RPH3A: variants seen among roughly 807,000 people sequenced by gnomAD.
RPH3A encodes the protein rabphilin-3A.
A neutral mutation model predicts 102.2 loss-of-function variants in RPH3A; 48 were observed. The observed-to-expected ratio is 0.47, with a 90% CI of 0.37 to 0.60. RPH3A has a LOEUF of 0.60. Ranked by LOEUF, RPH3A falls within the 20% of genes least tolerant of loss-of-function variation. The probability of loss-of-function intolerance (pLI) is 0.00; values close to 1 mark genes in which losing one functional copy is unlikely to be tolerated. For synonymous variants in RPH3A, 310 were observed against 324.3 expected, an observed-to-expected ratio of 0.96 and a Z score of 0.47; for missense variants, 781 against 910.1, an observed-to-expected ratio of 0.86 and a Z score of 1.83.
chr12:112,751,491 T>G (rs559395091), intron 1 of RPH3A, among the ~76,000 whole-genome samples: 4 of 152,162 alleles, frequency 2.6e-5, no homozygotes, highest in African/African-American at 4.8e-5. Flanking sequence ...GGTAAAGGAG[T>G]GTGAGGCCTG....
At chr12:112,889,991 A>G in intron 17 of RPH3A, 33 bp from the exon 18 acceptor site, 3 of 1,604,700 alleles carry the variant, frequency 1.9e-6, no homozygotes, top group Non-Finnish European at 1.7e-6. Flanking sequence ...CTCCATAGAC[A>G]ATGTTATCTT....
At chr12:112,581,068 T>A (rs904226831) in intron 1 of RPH3A, among the ~76,000 whole-genome samples, 1 of 152,250 alleles carries the variant, frequency 6.6e-6, no homozygotes, top group African/African-American at 2.4e-5. Context: ...CCTTGGTTAC[T>A]TCCTGCAAGT....
intron 1 of RPH3A, among the ~76,000 whole-genome samples, chr12:112,762,098 T>C (rs1184226801): frequency 6.6e-6 from 1 of 152,216 alleles, no homozygotes; most frequent in African/African-American, 2.4e-5. Context: ...CAATGCAGCG[T>C]CTGTCATAAA....
intron 5 of RPH3A, among the ~76,000 whole-genome samples, chr12:112,860,600 G>A (rs2042492360): frequency 6.6e-6 from 1 of 152,206 alleles, no homozygotes; most frequent in South Asian, 2.1e-4. Flanking sequence ...GCACACTGCG[G>A]TTTAGAATTG....
intron 1 of RPH3A, among the ~76,000 whole-genome samples, chr12:112,713,409 C>T (rs768135320): frequency 2.0e-5 from 3 of 151,914 alleles, no homozygotes; most frequent in Non-Finnish European, 4.4e-5. Context: ...TTTCAAAAAC[C>T]AAGTAGCTGA....
intron 2 of RPH3A, among the ~76,000 whole-genome samples, chr12:112,812,818 C>T (rs566618386): frequency 2.6e-5 from 4 of 152,320 alleles, no homozygotes; most frequent in Admixed American, 2.0e-4. Flanking sequence ...AACTACAGCT[C>T]TGGCCTTCTG....
intron 1 of RPH3A, among the ~76,000 whole-genome samples, chr12:112,767,685 A>T (rs1465187419): frequency 6.6e-6 from 1 of 152,150 alleles, no homozygotes; most frequent in Non-Finnish European, 1.5e-5. Flanking sequence ...TCTCTGTGTG[A>T]CAGTTCCCTT....
chr12:112,710,227 C>T (rs1465964853), intron 1 of RPH3A, among the ~76,000 whole-genome samples: 1 of 152,178 alleles, frequency 6.6e-6, no homozygotes, highest in East Asian at 1.9e-4. Flanking sequence ...CCGCCTGTCT[C>T]GGCCTCCCAA....
At chr12:112,739,667 G>A (rs1281116043) in intron 1 of RPH3A, among the ~76,000 whole-genome samples, 1 of 152,170 alleles carries the variant, frequency 6.6e-6, no homozygotes. Context: ...AGCCGTCCTG[G>A]TCTTGGCCTT....
At chr12:112,761,865 T>C (rs556916046) in intron 1 of RPH3A, among the ~76,000 whole-genome samples, 44 of 152,368 alleles carry the variant, frequency 2.9e-4, no homozygotes, top group Non-Finnish European at 1.3e-4. Context: ...TGTTTACTTT[T>C]CTCATTCCAC....
At chr12:112,870,321 A>C (rs1565932239) in intron 10 of RPH3A, among the ~76,000 whole-genome samples, 2 of 151,584 alleles carry the variant, frequency 1.3e-5, no homozygotes, top group Non-Finnish European at 2.9e-5. Flanking sequence ...AAAAAAAAAA[A>C]AAAAAAAACC....
intron 1 of RPH3A, among the ~76,000 whole-genome samples, chr12:112,725,270 A>AC (rs2040579779): frequency 6.6e-6 from 1 of 151,348 alleles, no homozygotes; most frequent in South Asian, 2.1e-4. Context: ...AAAAAAAAAA[A>AC]AAAAAAAAAC....
chr12:112,803,848 C>G lies in RPH3A; in HGVS notation c.-19+11585C>G, dbSNP rs1048154789. Among the ~76,000 whole-genome samples the G allele has an allele frequency of 2.0e-5, 3 of 152,058 alleles. No homozygotes were observed. The East Asian group carries it at 5.8e-4, about 29-fold the overall frequency. On this transcript the variant is annotated intron_variant, in intron 2 of 21. Coordinates refer to ENST00000389385, the MANE Select transcript of RPH3A (RefSeq NM_001143854.2). ...CTGGATTGGAATTCCAGCTGCAATA[C>G]TTGCCAGCCTGTGACCCTGGGCAAG...
intron 1 of RPH3A, among the ~76,000 whole-genome samples, chr12:112,776,897 A>C (rs1444284817): frequency 6.7e-6 from 1 of 149,612 alleles, no homozygotes; most frequent in African/African-American, 2.5e-5. Context: ...AAAAAAAAAA[A>C]AAAAAAAAAA....
At chr12:112,637,694 G>A (rs142526134) in intron 1 of RPH3A, among the ~76,000 whole-genome samples, 14 of 152,162 alleles carry the variant, frequency 9.2e-5, no homozygotes, top group Middle Eastern at 3.4e-3. Flanking sequence ...CCATAGCCAG[G>A]CCCCTTTCCA....
At chr12:112,844,427 G>A (rs1429400133) in intron 4 of RPH3A, among the ~76,000 whole-genome samples, 2 of 152,280 alleles carry the variant, frequency 1.3e-5, no homozygotes, top group Non-Finnish European at 2.9e-5. Flanking sequence ...ACAGCTGCAA[G>A]CAAATTAATT....
At chr12:112,593,446 A>G (rs1264017196) in intron 1 of RPH3A, among the ~76,000 whole-genome samples, 1 of 152,222 alleles carries the variant, frequency 6.6e-6, no homozygotes, top group Non-Finnish European at 1.5e-5. Context: ...TGTGTTTGTT[A>G]CACAGCAGAA....
At chr12:112,757,686 C>T (rs1045169844) in intron 1 of RPH3A, among the ~76,000 whole-genome samples, 1 of 152,120 alleles carries the variant, frequency 6.6e-6, no homozygotes. Flanking sequence ...TAAAACTGTA[C>T]AGAACTGATA....
chr12:112,590,012 T>C (rs1437924440), intron 1 of RPH3A, among the ~76,000 whole-genome samples: 1 of 147,538 alleles, frequency 6.8e-6, no homozygotes, highest in South Asian at 2.2e-4. Flanking sequence ...GAACCCAGGA[T>C]GGGGAGGTTG....
Sources: allele counts gnomAD v4.1 joint callset (sites outside exome capture counted in the v4.1 genomes callset), GRCh38; gene constraint gnomAD v4.1.1; transcripts MANE v1.5; gene names NCBI Gene and HGNC (gene_info 2026-07-23, HGNC 2026-07-21).